The following GABBR2 variants were observed in gnomAD, a reference collection of about 807,000 sequenced individuals.
GABBR2 encodes the protein gamma-aminobutyric acid type B receptor subunit 2.
A neutral mutation model predicts 105.6 loss-of-function variants in GABBR2; 23 were observed. The ratio of observed to expected loss-of-function variants is 0.22; its 90% CI spans 0.16 to 0.31. The LOEUF (loss-of-function observed/expected upper bound fraction) is 0.31, where lower values mean the gene tolerates loss of function less well. Ranked by LOEUF, GABBR2 falls within the 10% of genes least tolerant of loss-of-function variation. GABBR2 has a pLI of 1.00. For missense variants in GABBR2, 734 were observed against 1,245.5 expected (o/e 0.59, Z 6.18); for synonymous variants, 478 against 499.7 (o/e 0.96, Z 0.58).
intron 1 of GABBR2, among the ~76,000 whole-genome samples, chr9:98,584,816 A>G (rs1829046121): frequency 6.6e-6 from 1 of 152,172 alleles, no homozygotes; most frequent in Non-Finnish European, 1.5e-5. Flanking sequence ...CCCCCGTTAG[A>G]AAGTCCCCTC....
At chr9:98,597,344 G>C (rs1293339528) in intron 1 of GABBR2, among the ~76,000 whole-genome samples, 2 of 152,242 alleles carry the variant, frequency 1.3e-5, no homozygotes, top group African/African-American at 4.8e-5. Context: ...TGCATGGGCT[G>C]AGTGCCCACT....
At chr9:98,518,033 A>G (rs1458185128) in intron 3 of GABBR2, among the ~76,000 whole-genome samples, 1 of 152,246 alleles carries the variant, frequency 6.6e-6, no homozygotes, top group Admixed American at 6.5e-5. Context: ...GGGAGGCCCC[A>G]GGAGGAGTCA....
At chr9:98,562,370 A>T (rs556353823) in intron 2 of GABBR2, among the ~76,000 whole-genome samples, 1 of 152,358 alleles carries the variant, frequency 6.6e-6, no homozygotes, top group African/African-American at 2.4e-5. Flanking sequence ...AATTCCAATA[A>T]GGACAATTTT....
chr9:98,702,075 A>C (rs1830835416), intron 1 of GABBR2, among the ~76,000 whole-genome samples: 2 of 152,084 alleles, frequency 1.3e-5, no homozygotes, highest in African/African-American at 4.8e-5. Flanking sequence ...ATCGATGAAG[A>C]AACCGAGGCA....
At chr9:98,688,786 T>C (rs1830651961) in intron 1 of GABBR2, among the ~76,000 whole-genome samples, 1 of 152,156 alleles carries the variant, frequency 6.6e-6, no homozygotes, top group Non-Finnish European at 1.5e-5. Flanking sequence ...ATATCACACT[T>C]GTGCAGGCCT....
chr9:98,312,067 A>C (rs1451635241), intron 13 of GABBR2, among the ~76,000 whole-genome samples: 2 of 152,234 alleles, frequency 1.3e-5, no homozygotes, highest in African/African-American at 4.8e-5. Context: ...CCTAGCATAT[A>C]TTTCCTAAGA....
intron 1 of GABBR2, among the ~76,000 whole-genome samples, chr9:98,684,169 T>TAAAAAAAAAAA (rs3032196): frequency 4.8e-4 from 32 of 66,132 alleles, no homozygotes; most frequent in African/African-American, 1.6e-3. Context: ...TTTACCACGG[T>TAAAAAAAAAAA]AAAAAAAAAA....
intron 1 of GABBR2, among the ~76,000 whole-genome samples, chr9:98,631,446 C>G (rs1829814831): frequency 6.6e-6 from 1 of 152,218 alleles, no homozygotes; most frequent in East Asian, 1.9e-4. Flanking sequence ...GTGCCAGCAA[C>G]TATTTATTCA....
chr9:98,412,914 C>A (rs1184247951), intron 7 of GABBR2, among the ~76,000 whole-genome samples: 1 of 152,282 alleles, frequency 6.6e-6, no homozygotes, highest in Non-Finnish European at 1.5e-5. Context: ...TGGATCAGAG[C>A]CTTTTAGTCC....
chr9:98,429,169 T>C (rs1403749012), intron 7 of GABBR2, among the ~76,000 whole-genome samples: 1 of 151,086 alleles, frequency 6.6e-6, no homozygotes, highest in Non-Finnish European at 1.5e-5. Context: ...AGACAAAGTG[T>C]TGCTCCGCTG....
intron 2 of GABBR2, among the ~76,000 whole-genome samples, chr9:98,561,460 A>G (rs1828673128): frequency 6.6e-6 from 1 of 152,184 alleles, no homozygotes; most frequent in African/African-American, 2.4e-5. Flanking sequence ...TAAGGCAGGT[A>G]AAATATTAAG....
chr9:98,312,469 A>G (rs935770474), intron 13 of GABBR2, among the ~76,000 whole-genome samples: 3 of 152,224 alleles, frequency 2.0e-5, no homozygotes, highest in African/African-American at 7.2e-5. Context: ...CTCTGTGATC[A>G]CTTGGTTGAC....
intron 7 of GABBR2, among the ~76,000 whole-genome samples, chr9:98,422,376 A>G (rs1832797109): frequency 6.6e-6 from 1 of 152,184 alleles, no homozygotes; most frequent in Non-Finnish European, 1.5e-5. Context: ...CATTCAGGAC[A>G]GCGTCTGGCA....
rs1477317767 is a variant in GABBR2, at chr9:98,454,623, C to G, written c.1000-406G>C. On this transcript the variant is annotated intron_variant, in intron 6 of 18. Coordinates refer to ENST00000259455, the MANE Select transcript of GABBR2 (RefSeq NM_005458.8). This position sits in a 1 kb window ranked among gnomAD's most constrained non-coding sequence, Gnocchi z 4.6. ...AGTTATAGCATATGAACAAACTGTT[C>G]AAAAATATTCTCTATCTCCTCATCG... Among the ~76,000 whole-genome samples the G allele has an allele frequency of 6.6e-6, 1 of 152,124 alleles. No homozygotes were observed. Among genetic ancestry groups the G allele is most frequent in the African/African-American group, 2.4e-5 (1 of 41,430 alleles).
intron 1 of GABBR2, among the ~76,000 whole-genome samples, chr9:98,611,142 C>T (rs537135672): frequency 3.7e-4 from 56 of 152,326 alleles, no homozygotes; most frequent in African/African-American, 1.3e-3. Flanking sequence ...AACTGGGCTA[C>T]TTCCACCCAA....
intron 1 of GABBR2, among the ~76,000 whole-genome samples, chr9:98,612,918 A>T (rs1173236037): frequency 6.6e-6 from 1 of 152,236 alleles, no homozygotes; most frequent in Non-Finnish European, 1.5e-5. Context: ...TATTTGAAGC[A>T]AAGGGTTGGA....
rs1829574767 is a variant in GABBR2 at position 98,615,811 on chromosome 9, G to A, written c.322-37739C>T. ...TCTAAACAGCTCTGTGTGGGAGGGA[G>A]GGTCATTGCTCCCAGAACAAAAGCC... On this transcript the variant is annotated intron_variant, in intron 1 of 18. Coordinates refer to ENST00000259455, the MANE Select transcript of GABBR2 (RefSeq NM_005458.8). Among the ~76,000 whole-genome samples the A allele has an allele frequency of 1.3e-5, 2 of 152,200 alleles. 1 individual carries two copies. The highest frequency in any genetic ancestry group is 4.1e-4 in the South Asian group (2 of 4,832).
At chr9:98,331,782 G>A (rs1052739551) in intron 13 of GABBR2, among the ~76,000 whole-genome samples, 1 of 152,226 alleles carries the variant, frequency 6.6e-6, no homozygotes, top group Admixed American at 6.5e-5. Context: ...AGAGCGTGGA[G>A]CATGAGAAGG....
At chr9:98,315,617 G>A (rs1215812350) in intron 13 of GABBR2, among the ~76,000 whole-genome samples, 1 of 152,236 alleles carries the variant, frequency 6.6e-6, no homozygotes, top group Non-Finnish European at 1.5e-5. Flanking sequence ...GGGGAGAGAT[G>A]CACCTGAGCA....
Sources: allele counts gnomAD v4.1 joint callset (sites outside exome capture counted in the v4.1 genomes callset), GRCh38; gene constraint gnomAD v4.1.1; non-coding constraint Gnocchi (gnomAD v3.1); transcripts MANE v1.5; gene names NCBI Gene and HGNC (gene_info 2026-07-23, HGNC 2026-07-21).